The following LRRC28 variants were observed in gnomAD, a reference collection of about 807,000 sequenced individuals.
The protein encoded by LRRC28 is leucine rich repeat containing 28, also known as leucine-rich repeat-containing protein 28.
In LRRC28, 39 loss-of-function variants were observed where a neutral mutation model predicts 45.7. That is an observed-to-expected ratio of 0.85 (90% CI 0.66 to 1.12). The LOEUF (loss-of-function observed/expected upper bound fraction) is 1.12, where lower values mean the gene tolerates loss of function less well. LRRC28 is among the 50% of genes most tolerant of loss of function. The probability of loss-of-function intolerance (pLI) is 0.00; values close to 1 mark genes in which losing one functional copy is unlikely to be tolerated. For synonymous variants in LRRC28, 206 were observed against 178.8 expected (o/e 1.15, Z -1.22); for missense variants, 435 against 438.5 (o/e 0.99, Z 0.07).
chr15:99,346,887 G>GTA (rs1335820294), intron 6 of LRRC28, among the ~76,000 whole-genome samples: 1 of 151,842 alleles, frequency 6.6e-6, no homozygotes, highest in African/African-American at 2.4e-5. Context: ...AAGTTTGTGT[G>GTA]TATATATATA....
At chr15:99,349,925 A>C (rs1956817907) in intron 6 of LRRC28, among the ~76,000 whole-genome samples, 1 of 151,762 alleles carries the variant, frequency 6.6e-6, no homozygotes, top group Non-Finnish European at 1.5e-5. Context: ...TCATGAGGTC[A>C]GGAGATCGAG....
Position 99,287,890 on chromosome 15 carries a change from T to C in LRRC28, c.324T>C (p.Gly108=). ...TAGAAATTGTTTGCCCAGAAATTGG[T>C]CGTCTGAGAGCTTTACGTCATCTTC... ...NALEIVCPEI[G]RLRALRHLRL... is the part of the protein sequence containing the mutation. Residue 108 remains glycine (G), a synonymous_variant, in exon 5 of 10, where the codon GGT becomes GGC. Coordinates refer to ENST00000301981, the MANE Select transcript of LRRC28 (RefSeq NM_144598.5). 1.2e-6 allele frequency: 2 copies of C among 1,613,866 alleles called. No individual in the cohort carries two copies. The highest frequency in any genetic ancestry group is 1.7e-6 in the Non-Finnish European group (2 of 1,179,862).
intron 5 of LRRC28, among the ~76,000 whole-genome samples, chr15:99,300,415 ATTAT>A (rs1234071702): frequency 2.6e-5 from 4 of 152,122 alleles, no homozygotes; most frequent in African/African-American, 7.2e-5. Context: ...TAAAATTTTA[ATTAT>A]TAAAATATTC....
chr15:99,350,514 G>A (rs1045837252), intron 6 of LRRC28, among the ~76,000 whole-genome samples: 8 of 152,172 alleles, frequency 5.3e-5, no homozygotes, highest in Admixed American at 1.3e-4. Context: ...AGCAGTGATC[G>A]TATTGTATTA....
intron 1 of LRRC28, among the ~76,000 whole-genome samples, chr15:99,253,075 C>G (rs2080901985): frequency 6.6e-6 from 1 of 151,734 alleles, no homozygotes; most frequent in African/African-American, 2.4e-5. Context: ...AACAAACAGC[C>G]AAGTTCCTCT....
At chr15:99,321,133 T>G (rs1431833706) in intron 5 of LRRC28, among the ~76,000 whole-genome samples, 1 of 152,206 alleles carries the variant, frequency 6.6e-6, no homozygotes, top group Non-Finnish European at 1.5e-5. Flanking sequence ...CTTATCATTT[T>G]GGGGGTAGAT....
At chr15:99,316,715 TAAAAA>T (rs142753859) in intron 5 of LRRC28, among the ~76,000 whole-genome samples, 1 of 145,360 alleles carries the variant, frequency 6.9e-6, no homozygotes, top group Admixed American at 6.8e-5. Context: ...AGAAAACTCT[TAAAAA>T]AAAAAAAAAA....
chr15:99,360,170 C>G (rs150043861), intron 7 of LRRC28, among the ~76,000 whole-genome samples: 1,524 of 152,296 alleles, frequency 0.01, 34 homozygotes, highest in Admixed American at 0.047. Flanking sequence ...TACCCTGCAT[C>G]CCTGTTTCCA....
chr15:99,259,536 CAG>C, intron 2 of LRRC28: 1 of 1,233,280 alleles, frequency 8.1e-7, no homozygotes, highest in Non-Finnish European at 1.2e-6. Context: ...CAGTGCCTGA[CAG>C]AATCTCTGTG....
chr15:99,364,412 TC>T (rs1957288082), intron 9 of LRRC28, among the ~76,000 whole-genome samples: 1 of 152,212 alleles, frequency 6.6e-6, no homozygotes, highest in Admixed American at 6.5e-5. Context: ...ATATTTCACT[TC>T]CTATTTCAAT....
At position 99,256,022 on chromosome 15, in the gene LRRC28, TA is replaced by T; in HGVS notation, c.68del (p.Asn23IlefsTer13). 1 of 1,613,750 alleles carries T rather than the reference TA, an allele frequency of 6.2e-7. No homozygotes were observed. Among genetic ancestry groups the T allele is most frequent in the Non-Finnish European group, 8.5e-7 (1 of 1,179,994 alleles). On this transcript the variant is annotated frameshift_variant, in exon 2 of 10. Coordinates refer to ENST00000301981, the MANE Select transcript of LRRC28 (RefSeq NM_144598.5). LOFTEE classifies it high-confidence loss of function. ...ARLEKHKNLF[L>X]NYRNLHHFPL... ...CTAGAAAAGCACAAGAATTTGTTCT[TA>T]AATTATAGGAATCTGCACCATTTTC...
chr15:99,271,731 G>C (rs895760253), intron 2 of LRRC28, among the ~76,000 whole-genome samples: 2 of 152,154 alleles, frequency 1.3e-5, no homozygotes, highest in African/African-American at 2.4e-5. Flanking sequence ...AGAGTAGCTG[G>C]TACTATAGGC....
At chr15:99,325,112 G>T (rs138685717) in intron 5 of LRRC28, among the ~76,000 whole-genome samples, 1 of 152,110 alleles carries the variant, frequency 6.6e-6, no homozygotes, top group East Asian at 1.9e-4. Flanking sequence ...TCTCTCAACG[G>T]TATTTTGCAG....
At chr15:99,356,360 TA>T (rs937672728) in intron 7 of LRRC28, among the ~76,000 whole-genome samples, 7 of 151,508 alleles carry the variant, frequency 4.6e-5, no homozygotes, top group Non-Finnish European at 1.0e-4. Flanking sequence ...AAATAGAGAC[TA>T]AAAAAAAGGA....
At chr15:99,311,335 C>T (rs1394009238) in intron 5 of LRRC28, among the ~76,000 whole-genome samples, 4 of 152,122 alleles carry the variant, frequency 2.6e-5, no homozygotes, top group Non-Finnish European at 4.4e-5. Context: ...CGTTGCTTTA[C>T]GTGAATTGTG....
chr15:99,259,975 A>C, intron 2 of LRRC28: 1 of 643,876 alleles, frequency 1.6e-6, no homozygotes, highest in African/African-American at 1.8e-5. Flanking sequence ...ATGAAGAAAA[A>C]CAAGAAACAG....
intron 6 of LRRC28, among the ~76,000 whole-genome samples, chr15:99,339,764 G>T (rs1312564105): frequency 6.6e-6 from 1 of 151,816 alleles, no homozygotes; most frequent in Non-Finnish European, 1.5e-5. Context: ...TTTAGCACAG[G>T]ACATTGAGAT....
chr15:99,329,942 A>G (rs995875988), intron 5 of LRRC28, among the ~76,000 whole-genome samples: 1 of 152,206 alleles, frequency 6.6e-6, no homozygotes, highest in Non-Finnish European at 1.5e-5. Flanking sequence ...TATGATTAAT[A>G]TATCTGAGTG....
At chr15:99,264,422 G>C (rs969909226) in intron 2 of LRRC28, among the ~76,000 whole-genome samples, 1 of 152,200 alleles carries the variant, frequency 6.6e-6, no homozygotes, top group Admixed American at 6.5e-5. Context: ...AGAGAATAAA[G>C]AAGAGGGGAA....
Sources: allele counts gnomAD v4.1 joint callset (sites outside exome capture counted in the v4.1 genomes callset), GRCh38; gene constraint gnomAD v4.1.1; transcripts MANE v1.5; gene names NCBI Gene and HGNC (gene_info 2026-07-23, HGNC 2026-07-21).